TPRG1: variants seen among roughly 807,000 people sequenced by gnomAD.
The protein encoded by TPRG1 is tumor protein p63 regulated 1.
In TPRG1, 29 loss-of-function variants were observed where a neutral mutation model predicts 29.3. That is an observed-to-expected ratio of 0.99 (90% CI 0.74 to 1.35). The LOEUF (loss-of-function observed/expected upper bound fraction) is 1.35, where lower values mean the gene tolerates loss of function less well. Ranked by LOEUF, TPRG1 falls within the 40% of genes most tolerant of loss-of-function variation. The pLI, the probability that TPRG1 is intolerant of heterozygous loss-of-function variation, is 0.00. For missense variants in TPRG1, 327 were observed against 335.0 expected (o/e 0.98, Z 0.19); for synonymous variants, 130 against 116.8 (o/e 1.11, Z -0.73).
intron 3 of TPRG1, among the ~76,000 whole-genome samples, chr3:189,221,494 A>T (rs1462632727): frequency 6.6e-6 from 1 of 152,168 alleles, no homozygotes; most frequent in Non-Finnish European, 1.5e-5. Context: ...AGCATGCTGG[A>T]TCTCCTCTGG....
intron 1 of TPRG1, among the ~76,000 whole-genome samples, chr3:189,177,224 G>A (rs1417811641): frequency 1.3e-5 from 2 of 152,098 alleles, no homozygotes; most frequent in East Asian, 3.9e-4. Context: ...GTAGAAAAGA[G>A]TGGCCTTTAT....
intron 5 of TPRG1, among the ~76,000 whole-genome samples, chr3:189,318,277 GT>G (rs1478395279): frequency 6.6e-6 from 1 of 152,114 alleles, no homozygotes; most frequent in Non-Finnish European, 1.5e-5. Context: ...AGAAACTTTG[GT>G]TTAGCTGTAC....
chr3:189,040,746 C>T (rs776156924), intron 4 of TPRG1, among the ~76,000 whole-genome samples: 6 of 152,296 alleles, frequency 3.9e-5, no homozygotes, highest in African/African-American at 9.6e-5. Context: ...CTTAAAGAAA[C>T]GATGGGTAAA....
chr3:189,037,504 G>A (rs2152132685), intron 4 of TPRG1, among the ~76,000 whole-genome samples: 1 of 151,996 alleles, frequency 6.6e-6, no homozygotes, highest in East Asian at 1.9e-4. Context: ...GTTAAAGGCT[G>A]TATATGAACA....
intron 4 of TPRG1, among the ~76,000 whole-genome samples, chr3:189,042,837 G>T (rs932146819): frequency 3.0e-4 from 45 of 152,146 alleles, no homozygotes; most frequent in African/African-American, 1.0e-3. Context: ...GGAAACTGAG[G>T]TCCATAGGAA....
At chr3:189,108,880 C>T (rs538785184) in intron 1 of TPRG1, among the ~76,000 whole-genome samples, 64 of 152,012 alleles carry the variant, frequency 4.2e-4, no homozygotes, top group African/African-American at 1.5e-3. Context: ...TTTTTCCTAG[C>T]GGTGTTTCCA....
chr3:189,177,463 C>A lies in TPRG1; in HGVS notation c.-10+5332C>A, dbSNP rs151194562. Among the ~76,000 whole-genome samples the A allele has an allele frequency of 5.9e-3, 886 of 150,416 alleles. 12 individuals carry two copies. The highest frequency in any genetic ancestry group is 0.021 in the African/African-American group (861 of 40,914). ...ACATATATATGTCTGTTTATATATG[C>A]ATATACTTATATATGTATATACATA... On this transcript the variant is annotated intron_variant, in intron 1 of 5. Transcript: ENST00000345063.
chr3:189,222,241 T>C (rs1356546031), intron 3 of TPRG1, among the ~76,000 whole-genome samples: 1 of 152,162 alleles, frequency 6.6e-6, no homozygotes, highest in African/African-American at 2.4e-5. Context: ...CTAAAGCCAG[T>C]CACACGTTTA....
intron 4 of TPRG1, among the ~76,000 whole-genome samples, chr3:189,075,977 CT>C (rs1717145116): frequency 6.6e-6 from 1 of 152,146 alleles, no homozygotes; most frequent in East Asian, 1.9e-4. Context: ...CCAATATATA[CT>C]TTTTTTCTCT....
At chr3:189,309,382 C>T (rs1201932594) in intron 4 of TPRG1, among the ~76,000 whole-genome samples, 2 of 152,160 alleles carry the variant, frequency 1.3e-5, no homozygotes, top group Non-Finnish European at 2.9e-5. Flanking sequence ...CACAATTAAG[C>T]TCTGGTTTTT....
chr3:189,231,006 T>C (rs1738551971), intron 3 of TPRG1, among the ~76,000 whole-genome samples: 1 of 152,146 alleles, frequency 6.6e-6, no homozygotes, highest in Non-Finnish European at 1.5e-5. Flanking sequence ...GTAGCATAAC[T>C]CCTTCAACTG....
chr3:189,310,556 G>T lies in TPRG1; in HGVS notation c.633+17G>T, dbSNP rs772039836. 16 of 1,593,888 alleles carry T rather than the reference G, an allele frequency of 1.0e-5. No homozygotes were observed. In the South Asian group the frequency reaches 1.8e-4, roughly 18 times the overall value. On this transcript the variant is annotated intron_variant, in intron 5 of 5. Coordinates refer to ENST00000345063, the MANE Select transcript of TPRG1 (RefSeq NM_198485.4). ...ATTTGCAAGGTAGGAGGCATCTTGG[G>T]TATTACTCTCAGATTAGCTTTGTTG...
At chr3:189,238,218 A>G (rs901997702) in intron 3 of TPRG1, among the ~76,000 whole-genome samples, 2 of 152,226 alleles carry the variant, frequency 1.3e-5, no homozygotes, top group Non-Finnish European at 2.9e-5. Flanking sequence ...GCAAATAGGA[A>G]TGAGATAACT....
At chr3:189,301,517 C>T (rs1421768268) in intron 4 of TPRG1, among the ~76,000 whole-genome samples, 1 of 152,084 alleles carries the variant, frequency 6.6e-6, no homozygotes, top group Non-Finnish European at 1.5e-5. Flanking sequence ...AAGTGGCAAC[C>T]ATCATTGAAT....
At chr3:188,999,850 C>T (rs1456748583) in intron 1 of TPRG1, among the ~76,000 whole-genome samples, 1 of 151,932 alleles carries the variant, frequency 6.6e-6, no homozygotes, top group African/African-American at 2.4e-5. Context: ...TACATATATA[C>T]GTACATACTT....
intron 5 of TPRG1, among the ~76,000 whole-genome samples, chr3:189,311,095 A>T (rs2109315981): frequency 6.6e-6 from 1 of 152,314 alleles, no homozygotes; most frequent in East Asian, 1.9e-4. Flanking sequence ...CATCTCATCA[A>T]GCAGATATTA....
intron 3 of TPRG1, among the ~76,000 whole-genome samples, chr3:189,018,120 C>A (rs1045796009): frequency 2.0e-5 from 3 of 152,094 alleles, no homozygotes; most frequent in African/African-American, 7.2e-5. Flanking sequence ...TTTGTAGATT[C>A]TGGATATTAG....
chr3:189,000,475 T>C (rs1291965403), intron 1 of TPRG1, among the ~76,000 whole-genome samples: 1 of 152,108 alleles, frequency 6.6e-6, no homozygotes, highest in Non-Finnish European at 1.5e-5. Context: ...TTTGTTCTCC[T>C]TTAATTTAAA....
At chr3:189,293,837 T>C (rs1376757245) in intron 4 of TPRG1, among the ~76,000 whole-genome samples, 1 of 152,218 alleles carries the variant, frequency 6.6e-6, no homozygotes, top group Non-Finnish European at 1.5e-5. Flanking sequence ...CCATCTTGTC[T>C]GTCAAGTTCC....
Sources: gnomAD v4.1 joint callset for allele counts (sites outside exome capture counted in the v4.1 genomes callset) on GRCh38, gnomAD v4.1.1 for gene constraint, MANE v1.5 for transcripts, NCBI Gene and HGNC (gene_info 2026-07-23, HGNC 2026-07-21) for gene names.